Variants in PCDH9 observed in about 807,000 individuals in gnomAD.
The protein encoded by PCDH9 is protocadherin-9.
A neutral mutation model predicts 70.6 loss-of-function variants in PCDH9; 24 were observed. The ratio of observed to expected loss-of-function variants is 0.34; its 90% CI spans 0.25 to 0.48. PCDH9 has a LOEUF of 0.48. Ranked by LOEUF, PCDH9 falls within the 20% of genes least tolerant of loss-of-function variation. The pLI, the probability that PCDH9 is intolerant of heterozygous loss-of-function variation, is 0.99. For synonymous variants in PCDH9, 562 were observed against 558.5 expected (o/e 1.01, Z -0.09); for missense variants, 1,281 against 1,503.6 (o/e 0.85, Z 2.45).
intron 4 of PCDH9, among the ~76,000 whole-genome samples, chr13:66,477,638 G>T (rs1231250106): frequency 6.6e-6 from 1 of 152,076 alleles, no homozygotes; most frequent in Non-Finnish European, 1.5e-5. Context: ...GAGTGTTTGT[G>T]AAGATTAAAA....
intron 2 of PCDH9, among the ~76,000 whole-genome samples, chr13:67,068,266 T>C (rs1195869455): frequency 6.6e-6 from 1 of 151,496 alleles, no homozygotes; most frequent in Non-Finnish European, 1.5e-5. Context: ...TAATAAATTA[T>C]TAATTTATTA....
chr13:67,167,118 T>C (rs1203732038), intron 2 of PCDH9, among the ~76,000 whole-genome samples: 2 of 152,192 alleles, frequency 1.3e-5, no homozygotes, highest in Admixed American at 1.3e-4. Flanking sequence ...TCATGCTACA[T>C]TATTTGATTT....
chr13:66,919,607 C>G (rs1247546376), intron 2 of PCDH9, among the ~76,000 whole-genome samples: 1 of 151,114 alleles, frequency 6.6e-6, no homozygotes, highest in Non-Finnish European at 1.5e-5. Flanking sequence ...ATTGGAGAAA[C>G]TGAATATTTG....
At chr13:66,793,532 C>T (rs2080193629) in intron 3 of PCDH9, among the ~76,000 whole-genome samples, 1 of 152,052 alleles carries the variant, frequency 6.6e-6, no homozygotes. Flanking sequence ...ATCTAAACAA[C>T]TTTCATGTTG....
At chr13:66,444,967 TA>T (rs1958043094) in intron 4 of PCDH9, among the ~76,000 whole-genome samples, 1 of 151,088 alleles carries the variant, frequency 6.6e-6, no homozygotes, top group South Asian at 2.1e-4. Context: ...ATTTGGTTCC[TA>T]GACAGCTTAG....
At chr13:66,714,491 T>C (rs1414737452) in intron 3 of PCDH9, among the ~76,000 whole-genome samples, 1 of 151,608 alleles carries the variant, frequency 6.6e-6, no homozygotes, top group Non-Finnish European at 1.5e-5. Flanking sequence ...AAAAGTTACA[T>C]TGATTTTATA....
At chr13:66,898,216 A>G (rs1000617759) in intron 3 of PCDH9, among the ~76,000 whole-genome samples, 5 of 152,134 alleles carry the variant, frequency 3.3e-5, no homozygotes, top group African/African-American at 9.6e-5. Flanking sequence ...TAACAATTTA[A>G]ATATTTTAAT....
chr13:66,670,302 A>G (rs1037409652), intron 3 of PCDH9, among the ~76,000 whole-genome samples: 1 of 152,202 alleles, frequency 6.6e-6, no homozygotes, highest in African/African-American at 2.4e-5. Flanking sequence ...TAAGTGGTCT[A>G]AGTAATCAGT....
chr13:66,454,210 T>C (rs1958272155), intron 4 of PCDH9, among the ~76,000 whole-genome samples: 1 of 151,954 alleles, frequency 6.6e-6, no homozygotes, highest in South Asian at 2.1e-4. Flanking sequence ...TGTGAGTAGT[T>C]AGAAAAAAAA....
intron 3 of PCDH9, among the ~76,000 whole-genome samples, chr13:66,826,283 T>C (rs1277128452): frequency 1.3e-5 from 2 of 152,164 alleles, no homozygotes; most frequent in African/African-American, 2.4e-5. Context: ...ATCAAAAATA[T>C]CATTCTCCAG....
At position 67,000,358 on chromosome 13, in the gene PCDH9, C is replaced by A. The variant is rs866610997; in HGVS notation, c.3037-96753G>T. Among the ~76,000 whole-genome samples the A allele has an allele frequency of 4.1e-4, 62 of 150,364 alleles. No homozygotes were observed. In the Middle Eastern group the frequency reaches 0.017, roughly 42 times the overall value. The stretch of plus-strand genomic sequence containing the variant: ...GGGGTGGGGGAGGGGGGAGGGATAG[C>A]ACTAGGAGATACACCTAATGCTAAA... On this transcript the variant is annotated intron_variant, in intron 2 of 4. Transcript: ENST00000377865.
chr13:66,512,762 C>CA, intron 4 of PCDH9, among the ~76,000 whole-genome samples: 1 of 152,168 alleles, frequency 6.6e-6, no homozygotes, highest in South Asian at 2.1e-4. Context: ...TTAACTCTAG[C>CA]AAAAAGACAC....
intron 2 of PCDH9, among the ~76,000 whole-genome samples, chr13:67,187,607 C>A (rs2088792120): frequency 6.6e-6 from 1 of 152,002 alleles, no homozygotes; most frequent in East Asian, 1.9e-4. Context: ...CAAATATTAT[C>A]ACAGTTCTAT....
At position 66,428,341 on chromosome 13, in the gene PCDH9, T is replaced by C. The variant is rs117801472; in HGVS notation, c.3341-123313A>G. ...AATAAACGTCTAGAACCAATATGTGTTCTTACTGTAACTCTGTATAAAAGA... is the reference window on the plus strand; with the variant it reads ...AATAAACGTCTAGAACCAATATGTGCTCTTACTGTAACTCTGTATAAAAGA... On this transcript the variant is annotated intron_variant, in intron 4 of 4. Coordinates refer to ENST00000377865, the MANE Select transcript of PCDH9 (RefSeq NM_203487.3). 3.5e-3 allele frequency among the ~76,000 whole-genome samples: 534 copies of C among 151,814 alleles called. 15 individuals carry two copies. In the East Asian group the frequency reaches 0.061, roughly 17 times the overall value.
At chr13:66,708,964 T>A (rs1262623425) in intron 3 of PCDH9, among the ~76,000 whole-genome samples, 1 of 152,204 alleles carries the variant, frequency 6.6e-6, no homozygotes, top group East Asian at 1.9e-4. Context: ...CTCTGATATA[T>A]CTTTGGGAAA....
intron 2 of PCDH9, among the ~76,000 whole-genome samples, chr13:66,983,284 C>T (rs2139778208): frequency 6.6e-6 from 1 of 151,764 alleles, no homozygotes; most frequent in Non-Finnish European, 1.5e-5. Flanking sequence ...AGGCATTTGG[C>T]ACATAAAAAA....
intron 3 of PCDH9, among the ~76,000 whole-genome samples, chr13:66,713,935 T>A (rs1342918719): frequency 1.3e-5 from 2 of 152,064 alleles, no homozygotes; most frequent in Non-Finnish European, 2.9e-5. Context: ...CTGCTAAATA[T>A]TCTTTTTGTA....
At chr13:66,629,593 G>GT (rs1393387135) in intron 4 of PCDH9, among the ~76,000 whole-genome samples, 2 of 152,122 alleles carry the variant, frequency 1.3e-5, no homozygotes, top group Non-Finnish European at 2.9e-5. Context: ...ATAATAAGAG[G>GT]TTTTTTCCTT....
chr13:66,777,660 G>A (rs2079920315), intron 3 of PCDH9, among the ~76,000 whole-genome samples: 1 of 152,146 alleles, frequency 6.6e-6, no homozygotes, highest in African/African-American at 2.4e-5. Context: ...TGGAGAAATA[G>A]GAACACTTTG....
Sources: gnomAD v4.1 joint callset for allele counts (sites outside exome capture counted in the v4.1 genomes callset) on GRCh38, gnomAD v4.1.1 for gene constraint, MANE v1.5 for transcripts, NCBI Gene and HGNC (gene_info 2026-07-23, HGNC 2026-07-21) for gene names.